The following RHBDD1 variants were observed in gnomAD, a reference collection of about 807,000 sequenced individuals.
The protein encoded by RHBDD1 is rhomboid domain containing 1, also known as rhomboid-related protein 4.
RHBDD1 carries 38 observed loss-of-function variants against 36.3 expected under a neutral mutation model. That is an observed-to-expected ratio of 1.05 (90% CI 0.81 to 1.37). RHBDD1 has a LOEUF of 1.37. RHBDD1 is among the 40% of genes most tolerant of loss of function. The pLI is 0.00. For synonymous variants in RHBDD1, 151 were observed against 136.5 expected, an observed-to-expected ratio of 1.11 and a Z score of -0.74; for missense variants, 393 against 377.6, an observed-to-expected ratio of 1.04 and a Z score of -0.34.
At chr2:226,829,755 G>A in the RHBDD1 span, among the ~76,000 whole-genome samples, 10 of 152,290 alleles carry the variant, frequency 6.6e-5, no homozygotes, top group African/African-American at 2.2e-4. Flanking sequence ...GCGTGTGTAT[G>A]TATGTGTGTA....
chr2:226,828,650 C>T, the RHBDD1 span, among the ~76,000 whole-genome samples: 1 of 151,148 alleles, frequency 6.6e-6, no homozygotes, highest in East Asian at 2.0e-4. Flanking sequence ...TTTGCATTTT[C>T]CAAATGACTA....
chr2:226,874,437 A>G (rs753921097), intron 5 of RHBDD1, among the ~76,000 whole-genome samples: 1 of 152,138 alleles, frequency 6.6e-6, no homozygotes, highest in Admixed American at 6.5e-5. Context: ...AATTCCTTCT[A>G]CAGTTGGTGT....
At chr2:226,938,754 A>C (rs1358877573) in intron 8 of RHBDD1, among the ~76,000 whole-genome samples, 4 of 152,070 alleles carry the variant, frequency 2.6e-5, no homozygotes, top group Non-Finnish European at 4.4e-5. Context: ...GAAAAAAAAA[A>C]CGGACTCCTT....
At chr2:226,842,678 C>T (rs866136028) in intron 3 of RHBDD1, among the ~76,000 whole-genome samples, 26 of 152,176 alleles carry the variant, frequency 1.7e-4, no homozygotes, top group East Asian at 7.7e-4. Flanking sequence ...ATGCTGTTTT[C>T]GTTACTGTAG....
intron 5 of RHBDD1, among the ~76,000 whole-genome samples, chr2:226,880,470 T>G (rs1056097465): frequency 2.6e-5 from 4 of 152,190 alleles, no homozygotes; most frequent in African/African-American, 9.6e-5. Context: ...AAACAATGAT[T>G]CCCTTGAGTC....
rs182949241 is a variant in RHBDD1 at position 226,946,988 on chromosome 2, G to T, written c.856+32637G>T. On this transcript the variant is annotated intron_variant, in intron 8 of 8. Transcript: ENST00000392062. ...CAAAAACCACATGATTATCTCAATAGATGCAGAAAAGGCTTTCAATAAAAT... is the reference window on the plus strand; with the variant it reads ...CAAAAACCACATGATTATCTCAATATATGCAGAAAAGGCTTTCAATAAAAT... Among the ~76,000 whole-genome samples, 4 of 152,300 alleles carry T rather than the reference G, an allele frequency of 2.6e-5. No individual in the cohort carries two copies. In the East Asian group the frequency reaches 7.7e-4, roughly 29 times the overall value.
At chr2:226,955,030 A>G (rs1246637877) in intron 8 of RHBDD1, among the ~76,000 whole-genome samples, 1 of 151,954 alleles carries the variant, frequency 6.6e-6, no homozygotes, top group East Asian at 1.9e-4. Context: ...TACTGAAAGC[A>G]GGAGAAGTTG....
intron 8 of RHBDD1, among the ~76,000 whole-genome samples, chr2:226,931,018 G>C (rs1575142518): frequency 6.6e-6 from 1 of 152,114 alleles, no homozygotes; most frequent in South Asian, 2.1e-4. Context: ...TGGGGAAAAG[G>C]GAATGCTTAT....
intron 8 of RHBDD1, among the ~76,000 whole-genome samples, chr2:226,933,035 G>T (rs1236061407): frequency 1.3e-5 from 2 of 152,120 alleles, no homozygotes; most frequent in African/African-American, 4.8e-5. Flanking sequence ...GTTCTTCGCA[G>T]GGTGGCAGGA....
intron 8 of RHBDD1, among the ~76,000 whole-genome samples, chr2:226,993,348 G>C (rs1157819025): frequency 6.6e-6 from 1 of 152,188 alleles, no homozygotes; most frequent in Non-Finnish European, 1.5e-5. Context: ...TCTGCCCTCA[G>C]CTAGTTCTAA....
chr2:226,873,219 A>T (rs1364779179), intron 5 of RHBDD1, among the ~76,000 whole-genome samples: 1 of 152,222 alleles, frequency 6.6e-6, no homozygotes, highest in East Asian at 1.9e-4. Context: ...AAAGACTGGC[A>T]GTGACTCAGC....
At chr2:226,932,687 G>A (rs559991556) in intron 8 of RHBDD1, among the ~76,000 whole-genome samples, 1 of 152,090 alleles carries the variant, frequency 6.6e-6, no homozygotes, top group South Asian at 2.1e-4. Context: ...GTGGTGAGAG[G>A]CAAGTTATGG....
At position 226,904,427 on chromosome 2, in the gene RHBDD1, G is replaced by GT. The variant is rs768405024; in HGVS notation, c.567-2366_567-2365insT. On this transcript the variant is annotated intron_variant, in intron 5 of 8. Coordinates refer to ENST00000392062, the MANE Select transcript of RHBDD1 (RefSeq NM_001167608.3). ...ACATCCTGCAAGCGGGGGGGGAGGG[G>GT]GGTCAGGGAACTCCTGTTTCAGTAG... Among the ~76,000 whole-genome samples, 113 of 90,828 alleles carry GT rather than the reference G, an allele frequency of 1.2e-3. 14 individuals are homozygous for GT. Among genetic ancestry groups the GT allele is most frequent in the Non-Finnish European group, 2.3e-3 (100 of 44,218 alleles). 59.6% of individuals were successfully genotyped at this position (90,828 alleles called of 152,430 possible).
intron 3 of RHBDD1, among the ~76,000 whole-genome samples, chr2:226,841,334 G>A (rs955583193): frequency 2.6e-5 from 4 of 152,068 alleles, no homozygotes; most frequent in African/African-American, 9.6e-5. Context: ...TCAAGGGTAC[G>A]TGTGTAGGAT....
upstream of RHBDD1, among the ~76,000 whole-genome samples, chr2:226,831,642 C>G (rs967951203): frequency 5.9e-5 from 9 of 152,096 alleles, no homozygotes; most frequent in African/African-American, 2.2e-4. Context: ...TTTGATCGAG[C>G]TTCATGTCTC....
At chr2:226,815,352 A>G in the RHBDD1 span, among the ~76,000 whole-genome samples, 3 of 152,306 alleles carry the variant, frequency 2.0e-5, no homozygotes, top group South Asian at 6.2e-4. Context: ...ATCTTCTAAC[A>G]TAATATTTTG....
At chr2:226,886,200 T>A (rs1208069361) in intron 5 of RHBDD1, among the ~76,000 whole-genome samples, 1 of 152,174 alleles carries the variant, frequency 6.6e-6, no homozygotes, top group African/African-American at 2.4e-5. Context: ...GCAGGGATAT[T>A]CTCTATTAGT....
intron 2 of RHBDD1, among the ~76,000 whole-genome samples, chr2:226,839,062 A>G (rs1941326052): frequency 6.6e-6 from 1 of 152,226 alleles, no homozygotes; most frequent in South Asian, 2.1e-4. Context: ...TAAAACACGA[A>G]TTCTTAATAG....
chr2:226,917,003 A>G (rs1409848250), intron 8 of RHBDD1, among the ~76,000 whole-genome samples: 2 of 152,178 alleles, frequency 1.3e-5, no homozygotes, highest in African/African-American at 2.4e-5. Context: ...AATTTTATAG[A>G]CTTGAATCTA....
Sources: allele counts gnomAD v4.1 joint callset (sites outside exome capture counted in the v4.1 genomes callset), GRCh38; gene constraint gnomAD v4.1.1; transcripts MANE v1.5; gene names NCBI Gene and HGNC (gene_info 2026-07-23, HGNC 2026-07-21).